Variants in KDM5C observed in about 807,000 individuals in gnomAD.
KDM5C encodes the protein lysine demethylase 5C.
KDM5C carries 16 observed loss-of-function variants against 110.6 expected under a neutral mutation model. That is an observed-to-expected ratio of 0.14 (90% CI 0.10 to 0.22). KDM5C has a LOEUF of 0.22. Ranked by LOEUF, KDM5C falls within the 10% of genes least tolerant of loss-of-function variation. The probability of loss-of-function intolerance (pLI) is 1.00; values close to 1 mark genes in which losing one functional copy is unlikely to be tolerated. For missense variants in KDM5C, 681 were observed against 1,300.9 expected, an observed-to-expected ratio of 0.52 and a Z score of 7.33; for synonymous variants, 511 against 520.4, an observed-to-expected ratio of 0.98 and a Z score of 0.24.
chrX:53,185,994 T>C (rs1334199155), intron 25 of KDM5C, among the ~76,000 whole-genome samples: 4 of 111,828 alleles, frequency 3.6e-5, no homozygotes, highest in Non-Finnish European at 7.5e-5. Flanking sequence ...GCAGCCACAG[T>C]CATTGTACAC....
chrX:53,225,202 T>C lies in KDM5C; in HGVS notation c.-313A>G, dbSNP rs1315790593. 2 of 357,547 alleles carry C rather than the reference T, an allele frequency of 5.6e-6. No individual in the cohort carries two copies. Among genetic ancestry groups the C allele is most frequent in the Admixed American group, 5.1e-5 (1 of 19,457 alleles). The allele number at this position is 357,547 out of a possible 1,213,427, so 29.5% of individuals were successfully genotyped here. A position where few individuals can be genotyped will look rare whatever the true frequency, so the allele number is the denominator to read the frequency against. On this transcript the variant is annotated 5_prime_UTR_variant, in exon 1 of 26. Coordinates refer to ENST00000375401, the MANE Select transcript of KDM5C (RefSeq NM_004187.5). ...TTCAGCGCCGCCGCCGCCATCTTGG[T>C]TTGTCAGCGTCTCCCCTCCCCACAC...
intron 12 of KDM5C, among the ~76,000 whole-genome samples, chrX:53,203,374 G>A (rs1020928056): frequency 9.0e-6 from 1 of 111,118 alleles, no homozygotes; most frequent in African/African-American, 3.3e-5. Flanking sequence ...CTGGAAAATC[G>A]GTTCTCCAGT....
intron 10 of KDM5C, 59 bp downstream of exon 10, chrX:53,211,438 T>C (rs2073553905): frequency 1.8e-6 from 2 of 1,112,073 alleles, no homozygotes; most frequent in South Asian, 1.9e-5. Flanking sequence ...GTTTTTCAGA[T>C]ACTAAATGAT....
chrX:53,214,910 T>C (rs2073697624), intron 7 of KDM5C, 63 bp from the exon 8 acceptor site: 2 of 1,130,751 alleles, frequency 1.8e-6, no homozygotes, highest in East Asian at 6.0e-5. Flanking sequence ...GGCTGAATGA[T>C]TTACAGCCCT....
downstream of KDM5C, chrX:53,191,679 AG>A (rs1556830563): frequency 5.8e-6 from 1 of 173,044 alleles, no homozygotes; most frequent in African/African-American, 3.0e-5. Flanking sequence ...AAAACATTCT[AG>A]GAAGAACGAG....
At chrX:53,199,654 T>C (rs900475003) in intron 14 of KDM5C, among the ~76,000 whole-genome samples, 9 of 112,059 alleles carry the variant, frequency 8.0e-5, no homozygotes, top group Admixed American at 3.8e-4. Context: ...CCGTATGTGC[T>C]TGTGTTCAGG....
At position 53,193,043 on chromosome X, in the gene KDM5C, G is replaced by A; in HGVS notation, c.4607C>T (p.Pro1536Leu). ...LEPAEGTTSG[P>L]SAPFSTLTPR... ...AGTCAGAGTGGAGAAAGGGGCCGAG[G>A]GGCCTGAAGTGGTCCCTTCCGCCGG... Residue 1536 changes from proline (P) to leucine (L), a missense_variant, in exon 26 of 26, where the codon CCC (proline) becomes CTC (leucine). Coordinates refer to ENST00000375401, the MANE Select transcript of KDM5C (RefSeq NM_004187.5). The A allele has an allele frequency of 1.7e-6, 2 of 1,201,738 alleles. No individual in the cohort carries two copies. Among genetic ancestry groups the A allele is most frequent in the Non-Finnish European group, 2.2e-6 (2 of 889,931 alleles).
At chrX:53,208,752 G>A (rs1158353001) in intron 12 of KDM5C, among the ~76,000 whole-genome samples, 3 of 96,651 alleles carry the variant, frequency 3.1e-5, no homozygotes, top group Admixed American at 1.2e-4. Flanking sequence ...TGATCCGGCC[G>A]CCTCAGCCTC....
At chrX:53,222,599 G>A (rs191815129) in intron 1 of KDM5C, among the ~76,000 whole-genome samples, 2,803 of 111,693 alleles carry the variant, frequency 0.025, 66 homozygotes, top group East Asian at 0.18. Flanking sequence ...TACGGCAGGA[G>A]CCATGGATGC....
At position 53,195,422 on chromosome X, in the gene KDM5C, G is replaced by A; in HGVS notation, c.3121-12C>T. 2 of 1,195,480 alleles carry A rather than the reference G, an allele frequency of 1.7e-6. No homozygotes were observed. The highest frequency in any genetic ancestry group is 2.3e-6 in the Non-Finnish European group (2 of 884,995). ...TAGTGGTCACCATTCTAAGGCCAAG[G>A]GCGAGAGACAGCTCAGTTCAACTTG... On this transcript the variant is annotated splice_polypyrimidine_tract_variant and intron_variant, in intron 20 of 25. Transcript: ENST00000375401.
Position 53,182,187 on chromosome X carries a change from T to C in KDM5C, c.4309-5565A>G, listed in dbSNP as rs782753435. Among the ~76,000 whole-genome samples the C allele has an allele frequency of 9.7e-4, 101 of 104,127 alleles. 1 individual carries two copies. The highest frequency in any genetic ancestry group is 3.5e-3 in the African/African-American group (96 of 27,657). The allele number at this position is 104,127 out of a possible 115,157, so 90.4% of individuals were successfully genotyped here. A position where few individuals can be genotyped will look rare whatever the true frequency, so the allele number is the denominator to read the frequency against. On this transcript the variant is annotated intron_variant, in intron 25 of 25. Coordinates refer to the KDM5C transcript ENST00000685641. ...ACAACCTCCGCCTCCCGATTTCAAG[T>C]GATTCTCCTGCCTCAGCCTCCCGAG...
At chrX:53,218,652 T>C (rs1556853290) in intron 2 of KDM5C, 3 of 449,838 alleles carry the variant, frequency 6.7e-6, no homozygotes, top group Non-Finnish European at 1.2e-5. Flanking sequence ...CACGGCTGAC[T>C]GTAGACTTGA....
intron 25 of KDM5C, among the ~76,000 whole-genome samples, chrX:53,177,448 A>C (rs1282472416): frequency 2.7e-5 from 3 of 112,913 alleles, no homozygotes; most frequent in Non-Finnish European, 5.6e-5. Flanking sequence ...GAACATCTGA[A>C]TATAATGACA....
rs782584200 is a variant in KDM5C at position 53,194,651 on chromosome X, C to A, written c.3526G>T (p.Ala1176Ser). The A allele has an allele frequency of 2.5e-6, 3 of 1,210,330 alleles. No homozygotes were observed. The highest frequency in any genetic ancestry group is 3.5e-5 in the African/African-American group (2 of 57,289). The stretch of plus-strand genomic sequence containing the variant: ...GTAGAGGAGGCCGTGCTCGATGATG[C>A]CAGTGGACTGGGCTTGGCCGAATTG... ...RTNSAKPSPLASSSTASSTTS... is the reference protein window; with the variant it reads ...RTNSAKPSPLSSSSTASSTTS... Residue 1176 changes from alanine to serine, a missense_variant, in exon 23 of 26, where the codon GCA becomes TCA. Transcript: ENST00000375401.
intron 14 of KDM5C, among the ~76,000 whole-genome samples, chrX:53,200,422 GA>G (rs1477723051): frequency 1.8e-5 from 2 of 111,582 alleles, no homozygotes; most frequent in Admixed American, 9.5e-5. Context: ...GGCCAAGTGT[GA>G]AGAATTCTGA....
At chrX:53,222,367 A>G (rs1291029234) in intron 1 of KDM5C, among the ~76,000 whole-genome samples, 1 of 109,660 alleles carries the variant, frequency 9.1e-6, no homozygotes, top group Non-Finnish European at 1.9e-5. Flanking sequence ...GGGACAAAAA[A>G]AAAAAAAAAC....
intron 12 of KDM5C, among the ~76,000 whole-genome samples, chrX:53,208,396 T>C (rs1418601989): frequency 1.3e-5 from 1 of 78,284 alleles, no homozygotes; most frequent in African/African-American, 5.6e-5. Flanking sequence ...CATATGTATA[T>C]ATACATATAT....
chrX:53,223,821 G>A (rs1326578706), intron 1 of KDM5C, among the ~76,000 whole-genome samples: 1 of 111,485 alleles, frequency 9.0e-6, no homozygotes, highest in Non-Finnish European at 1.9e-5. Context: ...CCTACATCCT[G>A]GACCAGAGGA....
chrX:53,200,027 T>C (rs944620139), intron 14 of KDM5C, among the ~76,000 whole-genome samples: 1 of 111,680 alleles, frequency 9.0e-6, no homozygotes, highest in Non-Finnish European at 1.9e-5. Context: ...AACAGTATCA[T>C]CCTTGTTGGG....
Sources: allele counts gnomAD v4.1 joint callset (sites outside exome capture counted in the v4.1 genomes callset), GRCh38; gene constraint gnomAD v4.1.1; transcripts MANE v1.5; gene names NCBI Gene and HGNC (gene_info 2026-07-23, HGNC 2026-07-21).